The following NOL4 variants were observed in gnomAD, a reference collection of about 807,000 sequenced individuals.
NOL4 encodes cancer/testis antigen 125.
A neutral mutation model predicts 75.9 loss-of-function variants in NOL4; 17 were observed. The observed-to-expected ratio is 0.22, with a 90% CI of 0.15 to 0.34. The LOEUF is 0.34. Among genes scored for constraint, NOL4 ranks in the 10% least tolerant of loss-of-function variants. The pLI is 1.00. For missense variants in NOL4, 614 were observed against 793.5 expected (o/e 0.77, Z 2.72); for synonymous variants, 292 against 289.9 (o/e 1.01, Z -0.07).
intron 6 of NOL4, among the ~76,000 whole-genome samples, chr18:33,975,644 G>T (rs1039502681): frequency 6.6e-6 from 1 of 152,214 alleles, no homozygotes; most frequent in East Asian, 1.9e-4. Flanking sequence ...GCATGGTGGC[G>T]GGTACCTGTA....
At chr18:33,977,704 T>C (rs1216714189) in intron 6 of NOL4, among the ~76,000 whole-genome samples, 1 of 152,224 alleles carries the variant, frequency 6.6e-6, no homozygotes, top group Non-Finnish European at 1.5e-5. Context: ...ATATTTATTA[T>C]GTTGACGTCA....
chr18:33,908,567 G>A (rs558481984), intron 9 of NOL4, among the ~76,000 whole-genome samples: 1 of 152,088 alleles, frequency 6.6e-6, no homozygotes, highest in Non-Finnish European at 1.5e-5. Context: ...TATGTGTTGA[G>A]ATTAAAGTTT....
Position 33,852,851 on chromosome 18 carries a change from T to A in NOL4, c.1908A>T (p.Gln636His). The A allele has an allele frequency of 6.2e-7, 1 of 1,612,072 alleles. No individual in the cohort carries two copies. The highest frequency in any genetic ancestry group is 8.5e-7 in the Non-Finnish European group (1 of 1,178,936). The change falls in exon 11 of 11, where the codon CAA (glutamine) becomes CAT (histidine). Residue 636 changes from glutamine (Q) to histidine (H), a missense_variant. By Grantham distance (24) the Gln-to-His change is conservative. Around this residue, in one of 9 missense-constraint regions of NOL4, gnomAD observed 128 missense variants for 159.9 expected, o/e 0.80. Coordinates refer to ENST00000261592, the MANE Select transcript of NOL4 (RefSeq NM_003787.5). ...SADELENLIL[Q>H]QN ...ATGGTGGTCGTCTGTCTCAGTTCTG[T>A]TGTAAAATGAGATTTTCCAGTTCAT...
intron 5 of NOL4, among the ~76,000 whole-genome samples, chr18:34,063,343 A>G (rs974186191): frequency 6.6e-6 from 1 of 152,074 alleles, no homozygotes; most frequent in South Asian, 2.1e-4. Context: ...TGCTTTTCCA[A>G]AATAAATTAA....
At chr18:33,947,637 C>T (rs373552030) in intron 8 of NOL4, among the ~76,000 whole-genome samples, 6 of 139,212 alleles carry the variant, frequency 4.3e-5, no homozygotes, top group Non-Finnish European at 8.0e-5. Context: ...TTATACACTT[C>T]AAATGATCTA....
intron 8 of NOL4, among the ~76,000 whole-genome samples, chr18:33,950,072 G>A (rs1425873449): frequency 6.6e-6 from 1 of 151,504 alleles, no homozygotes; most frequent in East Asian, 1.9e-4. Flanking sequence ...TTATGATGTA[G>A]ATTTCCTAAT....
Position 33,852,993 on chromosome 18 carries a change from G to A in NOL4, c.1766C>T (p.Ser589Leu). 2 of 1,612,874 alleles carry A rather than the reference G, an allele frequency of 1.2e-6. No homozygotes were observed. The highest frequency in any genetic ancestry group is 1.3e-5 in the African/African-American group (1 of 74,954). Residue 589 changes from serine (S) to leucine (L), a missense_variant, in exon 11 of 11, where the codon TCA (serine) becomes TTA (leucine). Coordinates refer to ENST00000261592, the MANE Select transcript of NOL4 (RefSeq NM_003787.5). ...GGAGTTTGAGCTGCTGGAGGATCCT[G>A]AGCTAGTCGCCAATTGTCTCTTCAT... ...LSMKRQLATS[S>L]GSSSSSNSRP...
intron 9 of NOL4, among the ~76,000 whole-genome samples, chr18:33,939,372 T>C (rs1181021203): frequency 6.6e-6 from 1 of 152,152 alleles, no homozygotes; most frequent in Non-Finnish European, 1.5e-5. Context: ...TTGGGCAGTA[T>C]GGCCATTTTC....
intron 1 of NOL4, among the ~76,000 whole-genome samples, chr18:34,210,011 A>T (rs1038049244): frequency 2.6e-5 from 4 of 152,216 alleles, no homozygotes; most frequent in African/African-American, 7.2e-5. Flanking sequence ...AAAACTTATT[A>T]ACACTTCCTA....
chr18:34,209,792 T>C (rs2036388774), intron 1 of NOL4, among the ~76,000 whole-genome samples: 1 of 152,142 alleles, frequency 6.6e-6, no homozygotes, highest in Admixed American at 6.6e-5. Context: ...GAAACGCAAA[T>C]AATTAAAAGG....
intron 1 of NOL4, among the ~76,000 whole-genome samples, chr18:34,206,194 A>G (rs1179644676): frequency 6.6e-6 from 1 of 152,170 alleles, no homozygotes; most frequent in African/African-American, 2.4e-5. Flanking sequence ...CTTTCTGGTC[A>G]GGGAACATCC....
At chr18:34,113,855 C>T (rs2079724524) in intron 2 of NOL4, among the ~76,000 whole-genome samples, 1 of 152,076 alleles carries the variant, frequency 6.6e-6, no homozygotes, top group African/African-American at 2.4e-5. Context: ...ATGACTCTTA[C>T]CCTAATGAAA....
At chr18:34,200,623 T>G (rs2146479392) in intron 1 of NOL4, among the ~76,000 whole-genome samples, 1 of 151,802 alleles carries the variant, frequency 6.6e-6, no homozygotes, top group East Asian at 1.9e-4. Context: ...AAAGTCCCAA[T>G]GAGCCACTCT....
At chr18:33,920,874 C>T (rs1433020869) in intron 9 of NOL4, among the ~76,000 whole-genome samples, 1 of 152,152 alleles carries the variant, frequency 6.6e-6, no homozygotes, top group Non-Finnish European at 1.5e-5. Context: ...GCAATGAGCC[C>T]AGAGGTTGAG....
At chr18:33,873,795 A>G (rs189673291) in intron 10 of NOL4, among the ~76,000 whole-genome samples, 51 of 152,130 alleles carry the variant, frequency 3.4e-4, no homozygotes, top group Admixed American at 2.3e-3. Context: ...CCTTGTGCAT[A>G]GTCTATAGAA....
At chr18:34,131,915 G>C (rs745558804) in intron 1 of NOL4, among the ~76,000 whole-genome samples, 2 of 152,148 alleles carry the variant, frequency 1.3e-5, no homozygotes, top group Non-Finnish European at 2.9e-5. Context: ...TGCTAGGGTA[G>C]TATATTAATT....
At chr18:34,144,720 G>A (rs531420241) in intron 1 of NOL4, among the ~76,000 whole-genome samples, 1 of 152,192 alleles carries the variant, frequency 6.6e-6, no homozygotes, top group Admixed American at 6.6e-5. Flanking sequence ...TAATATACAT[G>A]CATATAAAAA....
chr18:34,057,370 C>G (rs1000980554), intron 5 of NOL4, among the ~76,000 whole-genome samples: 2 of 152,160 alleles, frequency 1.3e-5, no homozygotes, highest in African/African-American at 4.8e-5. Flanking sequence ...TATTGAAAAA[C>G]TATGCGGTTT....
At chr18:34,067,458 TG>T (rs1314666221) in intron 5 of NOL4, among the ~76,000 whole-genome samples, 1 of 152,144 alleles carries the variant, frequency 6.6e-6, no homozygotes, top group Non-Finnish European at 1.5e-5. Flanking sequence ...TAGAATCTAC[TG>T]TAGGATAGGA....
Sources: allele counts gnomAD v4.1 joint callset (sites outside exome capture counted in the v4.1 genomes callset), GRCh38; gene constraint gnomAD v4.1.1; regional missense constraint gnomAD v4.1.1; transcripts MANE v1.5; gene names NCBI Gene and HGNC (gene_info 2026-07-23, HGNC 2026-07-21).